PHYH: variants seen among roughly 807,000 people sequenced by gnomAD.
The protein encoded by PHYH is phytanoyl-CoA dioxygenase, peroxisomal.
In PHYH, 32 loss-of-function variants were observed where a neutral mutation model predicts 38.5. The observed-to-expected ratio is 0.83, with a 90% confidence interval of 0.63 to 1.12. PHYH has a LOEUF of 1.12. Among genes scored for constraint, PHYH ranks in the 50% most tolerant of loss-of-function variants. The pLI is 0.00. For missense variants in PHYH, 426 were observed against 434.8 expected, an observed-to-expected ratio of 0.98 and a Z score of 0.18; for synonymous variants, 166 against 157.9, an observed-to-expected ratio of 1.05 and a Z score of -0.38.
chr10:13,296,772 C>A (rs1047713074), intron 2 of PHYH, among the ~76,000 whole-genome samples: 1 of 150,972 alleles, frequency 6.6e-6, no homozygotes, highest in East Asian at 1.9e-4. Flanking sequence ...CTGGCTAACA[C>A]GGTGAAACCC....
intron 6 of PHYH, among the ~76,000 whole-genome samples, chr10:13,285,416 T>A (rs1270174647): frequency 6.6e-6 from 1 of 151,980 alleles, no homozygotes; most frequent in Non-Finnish European, 1.5e-5. Context: ...ACTCCTGACC[T>A]CAAGTGATCC....
rs1166862128 is a variant in PHYH at position 13,291,859 on chromosome 10, T to G, written c.468A>C (p.Thr156=). Residue 156 remains threonine, a synonymous_variant, in exon 5 of 9, where the codon ACA becomes ACC. Coordinates refer to ENST00000263038, the MANE Select transcript of PHYH (RefSeq NM_006214.4). Reference sequence around the variant, plus strand: ...AATCTGGAGGTTTGTTTATCAACATTGTGTGCATGGCCATAATATTAGGTC... The same window carrying G: ...AATCTGGAGGTTTGTTTATCAACATGGTGTGCATGGCCATAATATTAGGTC... ...FTGPNIMAMH[T]MLINKPPDSG... is the part of the protein sequence containing the mutation. 1.2e-6 allele frequency: 2 copies of G among 1,610,656 alleles called. No individual in the cohort carries two copies. Among genetic ancestry groups the G allele is most frequent in the Admixed American group, 3.3e-5 (2 of 59,956 alleles).
intron 6 of PHYH, among the ~76,000 whole-genome samples, chr10:13,286,679 G>C (rs1184812217): frequency 7.2e-6 from 1 of 139,402 alleles, no homozygotes; most frequent in Non-Finnish European, 1.5e-5. Flanking sequence ...CCAGCCTGGT[G>C]ACAGAGTGAG....
chr10:13,294,174 C>T (rs1280536650), intron 4 of PHYH, among the ~76,000 whole-genome samples: 5 of 152,096 alleles, frequency 3.3e-5, no homozygotes, highest in African/African-American at 1.2e-4. Context: ...TGCACTCCAG[C>T]GTGGGCAACA....
intron 4 of PHYH, 77 bp downstream of exon 4, chr10:13,294,351 C>T (rs956459780): frequency 1.4e-5 from 20 of 1,410,958 alleles, no homozygotes; most frequent in African/African-American, 7.0e-5. Context: ...CCACTGCGCC[C>T]GGCCAAATCA....
chr10:13,291,803 AT>A (rs752864478), intron 5 of PHYH, 27 bp downstream of exon 5: 254 of 1,476,930 alleles, frequency 1.7e-4, no homozygotes, highest in Non-Finnish European at 1.9e-4. Context: ...TAATGAAACC[AT>A]TTTTTTTTCT....
In PHYH at chr10:13,294,364, G is replaced by A. The variant is rs914219664; in HGVS notation, c.414+64C>T. ...AGCCACTGCGCCCGGCCAAATCAGC[G>A]GGTTTTACAGGCAGACATACACACT... On this transcript the variant is annotated intron_variant, in intron 4 of 8. Coordinates refer to ENST00000263038, the MANE Select transcript of PHYH (RefSeq NM_006214.4). 2.7e-4 allele frequency: 408 copies of A among 1,502,996 alleles called. 1 individual carries two copies. Among genetic ancestry groups the A allele is most frequent in the Admixed American group, 6.5e-4 (39 of 59,748 alleles). 93.1% of individuals were successfully genotyped at this position (1,502,996 alleles called of 1,614,324 possible). A position where few individuals can be genotyped will look rare whatever the true frequency, so the allele number is the denominator to read the frequency against.
At chr10:13,298,941 A>T (rs1339320304) in intron 1 of PHYH, among the ~76,000 whole-genome samples, 1 of 65,934 alleles carries the variant, frequency 1.5e-5, no homozygotes, top group East Asian at 1.4e-3. Flanking sequence ...TAATAATAAT[A>T]ATAATAATAA....
At chr10:13,284,211 T>C (rs1835488423) in intron 6 of PHYH, among the ~76,000 whole-genome samples, 4 of 152,024 alleles carry the variant, frequency 2.6e-5, no homozygotes, top group African/African-American at 9.7e-5. Context: ...TGGTCCCAGC[T>C]ACTCAGGAGG....
At chr10:13,287,788 T>C (rs1018585646) in intron 6 of PHYH, among the ~76,000 whole-genome samples, 1 of 152,168 alleles carries the variant, frequency 6.6e-6, no homozygotes, top group Admixed American at 6.6e-5. Flanking sequence ...CACACACATC[T>C]GGGGTCGAAG....
intron 6 of PHYH, among the ~76,000 whole-genome samples, chr10:13,284,919 A>G (rs1044891016): frequency 1.3e-5 from 2 of 152,092 alleles, no homozygotes; most frequent in African/African-American, 2.4e-5. Flanking sequence ...GGCCAGGGTG[A>G]ATGTGTGACC....
intron 7 of PHYH, 24 bp from the exon 8 acceptor site, chr10:13,281,134 A>C: frequency 6.2e-7 from 1 of 1,613,806 alleles, no homozygotes; most frequent in Non-Finnish European, 8.5e-7. Flanking sequence ...ACAAATTGAT[A>C]TTGGAGAAAA....
chr10:13,297,925 T>C (rs1347742609), intron 2 of PHYH, among the ~76,000 whole-genome samples: 1 of 151,586 alleles, frequency 6.6e-6, no homozygotes, highest in Non-Finnish European at 1.5e-5. Context: ...GAAGGGCCCG[T>C]CTCTATTAAA....
At chr10:13,298,116 A>G in intron 2 of PHYH, 71 bp downstream of exon 2, 2 of 875,346 alleles carry the variant, frequency 2.3e-6, no homozygotes, top group South Asian at 2.7e-5. Context: ...ATTATGTGGT[A>G]TATCTTCATT....
At chr10:13,278,772 T>G (rs905162891) in intron 8 of PHYH, among the ~76,000 whole-genome samples, 9 of 152,090 alleles carry the variant, frequency 5.9e-5, no homozygotes, top group African/African-American at 1.9e-4. Flanking sequence ...TCAAGTGATC[T>G]GTCCGCCTTG....
intron 8 of PHYH, among the ~76,000 whole-genome samples, chr10:13,279,511 G>C (rs1377568691): frequency 6.6e-6 from 1 of 152,148 alleles, no homozygotes; most frequent in Non-Finnish European, 1.5e-5. Flanking sequence ...TTTCAGATTT[G>C]ACCTGACTCT....
At chr10:13,292,679 T>A (rs1835740882) in intron 4 of PHYH, among the ~76,000 whole-genome samples, 1 of 152,134 alleles carries the variant, frequency 6.6e-6, no homozygotes, top group Non-Finnish European at 1.5e-5. Context: ...ACACCTGTAA[T>A]CCTAGCACTT....
At position 13,294,424 on chromosome 10, in the gene PHYH, T is replaced by C. The variant is rs1245176221; in HGVS notation, c.414+4A>G. 6 of 1,613,948 alleles carry C rather than the reference T, an allele frequency of 3.7e-6. No homozygotes were observed. Among genetic ancestry groups the C allele is most frequent in the Non-Finnish European group, 5.1e-6 (6 of 1,179,926 alleles). On this transcript the variant is annotated splice_donor_region_variant and intron_variant, in intron 4 of 8. Coordinates refer to ENST00000263038, the MANE Select transcript of PHYH (RefSeq NM_006214.4). ...GCCGACGCAAAGCAAGGGTGGTCTC[T>C]GACCTCGGGGAGAGTGCAGTATCTG...
chr10:13,299,623 T>C (rs1832692626), intron 1 of PHYH: 1 of 1,106,226 alleles, frequency 9.0e-7, no homozygotes, highest in African/African-American at 1.7e-5. Flanking sequence ...CGCCTGTGAT[T>C]GGACATCTCT....
Sources: gnomAD v4.1 joint callset for allele counts (sites outside exome capture counted in the v4.1 genomes callset) on GRCh38, gnomAD v4.1.1 for gene constraint, MANE v1.5 for transcripts, NCBI Gene and HGNC (gene_info 2026-07-23, HGNC 2026-07-21) for gene names.